Variants in VARS1 observed in about 807,000 individuals in gnomAD.
VARS1 encodes the protein valyl-tRNA synthetase 1.
Under a neutral mutation model 161.0 loss-of-function variants are expected in VARS1, and 92 were observed. That is an observed-to-expected ratio of 0.57 (90% CI 0.48 to 0.68). The LOEUF (loss-of-function observed/expected upper bound fraction) is 0.68, where lower values mean the gene tolerates loss of function less well. Ranked by LOEUF, VARS1 falls within the 30% of genes least tolerant of loss-of-function variation. The pLI is 0.00. For synonymous variants in VARS1, 595 were observed against 682.5 expected (o/e 0.87, Z 2.00); for missense variants, 1,338 against 1,695.9 (o/e 0.79, Z 3.71).
Position 31,779,513 on chromosome 6 carries a change from T to G in VARS1, c.3312A>C (p.Ala1104=), listed in dbSNP as rs1812986857. ...PSECSWKDPE[A]EAALELALSI... is the part of the protein sequence containing the mutation. ...TTAGCGCCAGCTCAAGGGCGGCTTC[T>G]GCCTCGGGGTCCTTCCAGGAGCACT... Residue 1104 remains alanine, a synonymous_variant, in exon 28 of 30, where the codon GCA becomes GCC. Transcript: ENST00000375663. The surrounding 1 kb of genome is among the most constrained non-coding windows in gnomAD (Gnocchi z 9.1). The G allele has an allele frequency of 4.3e-6, 7 of 1,612,112 alleles. No individual in the cohort carries two copies. In the East Asian group the frequency reaches 1.6e-4, roughly 36 times the overall value.
Position 31,781,398 on chromosome 6 carries a change from C to T in VARS1, c.2544+83G>A. On this transcript the variant is annotated intron_variant, in intron 21 of 29. Coordinates refer to ENST00000375663, the MANE Select transcript of VARS1 (RefSeq NM_006295.3). The surrounding 1 kb of genome is among the most constrained non-coding windows in gnomAD (Gnocchi z 6.8). Reference sequence around the variant, plus strand: ...CCTGCCCACAGCTAACCCCATGCCCCAGCCACGCGGGGTCTGCGCTGCAGC... The same window carrying T: ...CCTGCCCACAGCTAACCCCATGCCCTAGCCACGCGGGGTCTGCGCTGCAGC... 1.3e-6 allele frequency: 2 copies of T among 1,545,660 alleles called. No homozygotes were observed. The highest frequency in any genetic ancestry group is 1.7e-6 in the Non-Finnish European group (2 of 1,148,004).
intron 6 of VARS1, 71 bp downstream of exon 6, chr6:31,792,146 A>G (rs868751579): frequency 2.5e-6 from 4 of 1,576,446 alleles, no homozygotes; most frequent in Middle Eastern, 2.3e-4. Flanking sequence ...GGTGAGAGCA[A>G]GAATAGAGCA....
chr6:31,784,415 C>T lies in VARS1; in HGVS notation c.1555G>A (p.Ala519Thr), dbSNP rs778453377. The change falls in exon 12 of 30, where the codon GCC becomes ACC. Residue 519 changes from alanine (A) to threonine (T), a missense_variant. Coordinates refer to ENST00000375663, the MANE Select transcript of VARS1 (RefSeq NM_006295.3). The surrounding 1 kb of genome is among the most constrained non-coding windows in gnomAD (Gnocchi z 6.1). ...KVEFGVLVSFAYKVQGSDSDE... is the reference protein window; with the variant it reads ...KVEFGVLVSFTYKVQGSDSDE... ...CTACCTGAGCCTTGGACCTTATAGG[C>T]AAAGGACACGAGGACCCCGAACTCC... The T allele has an allele frequency of 3.1e-6, 5 of 1,614,006 alleles. No individual in the cohort carries two copies. The African/African-American group carries it at 5.3e-5, about 17-fold the overall frequency.
At position 31,782,845 on chromosome 6, in the gene VARS1, C is replaced by T. The variant is rs1422103843; in HGVS notation, c.1763G>A (p.Gly588Asp). 1 of 1,610,082 alleles carries T rather than the reference C, an allele frequency of 6.2e-7. No individual in the cohort carries two copies. The highest frequency in any genetic ancestry group is 1.1e-5 in the South Asian group (1 of 90,588). Residue 588 changes from glycine to aspartate, a missense_variant and splice_region_variant, in exon 15 of 30, where the codon GGT (glycine) becomes GAT (aspartate). Coordinates refer to ENST00000375663, the MANE Select transcript of VARS1 (RefSeq NM_006295.3). The surrounding 1 kb of genome is among the most constrained non-coding windows in gnomAD (Gnocchi z 8.3). ...DEFVDMDFGT[G>D]AVKITPAHDQ... is the part of the protein sequence containing the mutation. ...ATGTGCGGGGGTGATCTTCACAGCA[C>T]CTGGGTGTACATCAGGATGCCCAGG...
chr6:31,778,812 G>A lies in VARS1; in HGVS notation c.3726+155C>T, dbSNP rs1812910847. ...GTGAGCCACTGAGCCAGGCTGTTTT[G>A]TTTTTTAAGGCTAGTGGGAGTGGAG... On this transcript the variant is annotated intron_variant, in intron 29 of 29. Transcript: ENST00000375663. This position sits in a 1 kb window ranked among gnomAD's most constrained non-coding sequence, Gnocchi z 5.1. 1 of 1,070,860 alleles carries A rather than the reference G, an allele frequency of 9.3e-7. No individual in the cohort carries two copies. The highest frequency in any genetic ancestry group is 1.3e-6 in the Non-Finnish European group (1 of 755,706). The allele number at this position is 1,070,860 out of a possible 1,614,324, so 66.3% of individuals were successfully genotyped here.
At position 31,791,702 on chromosome 6, in the gene VARS1, G is replaced by A; in HGVS notation, c.1008C>T (p.Val336=). Residue 336 remains valine (V), a synonymous_variant, in exon 8 of 30, where the codon GTC becomes GTT. Coordinates refer to ENST00000375663, the MANE Select transcript of VARS1 (RefSeq NM_006295.3). The surrounding 1 kb of genome is among the most constrained non-coding windows in gnomAD (Gnocchi z 5.0). ...TGGGGGGTGGGATGCACATCATGAA[G>A]ACACCTCGGGGATTTGCTGCTGACA... The part of the protein sequence containing the change: ...PNVSAANPRG[V]FMMCIPPPNV... 6.2e-7 allele frequency: 1 copy of A among 1,613,060 alleles called. No individual in the cohort carries two copies. Among genetic ancestry groups the A allele is most frequent in the South Asian group, 1.1e-5 (1 of 91,092 alleles).
chr6:31,785,441 G>A lies in VARS1; in HGVS notation c.1266-114C>T. ...CCCCCTGAAATTTACCTGGGCCCTA[G>A]AGCCAACTGACTCTGCCTCTGTGGG... On this transcript the variant is annotated intron_variant, in intron 9 of 29. Transcript: ENST00000375663. The surrounding 1 kb of genome is among the most constrained non-coding windows in gnomAD (Gnocchi z 6.1). 1 of 1,536,316 alleles carries A rather than the reference G, an allele frequency of 6.5e-7. No individual in the cohort carries two copies. The highest frequency in any genetic ancestry group is 8.8e-7 in the Non-Finnish European group (1 of 1,133,420).
In VARS1 at chr6:31,778,785, G is replaced by A; in HGVS notation, c.3726+182C>T. 3.6e-6 allele frequency: 3 copies of A among 823,192 alleles called. No homozygotes were observed. Among genetic ancestry groups the A allele is most frequent in the Non-Finnish European group, 5.6e-6 (3 of 538,680 alleles). The allele number at this position is 823,192 out of a possible 1,614,324, so 51.0% of individuals were successfully genotyped here. A position where few individuals can be genotyped will look rare whatever the true frequency, so the allele number is the denominator to read the frequency against. ...GCCTCCCAAATTTCTGGGATTACAG[G>A]TGTGAGCCACTGAGCCAGGCTGTTT... On this transcript the variant is annotated intron_variant, in intron 29 of 29. Coordinates refer to ENST00000375663, the MANE Select transcript of VARS1 (RefSeq NM_006295.3). This position sits in a 1 kb window ranked among gnomAD's most constrained non-coding sequence, Gnocchi z 5.1.
In VARS1 at chr6:31,784,654, G is replaced by C. The variant is rs1194412721; in HGVS notation, c.1408C>G (p.Arg470Gly). The C allele has an allele frequency of 1.9e-6, 3 of 1,613,088 alleles. No individual in the cohort carries two copies. The highest frequency in any genetic ancestry group is 1.1e-5 in the South Asian group (1 of 91,092). Residue 470 changes from arginine (R) to glycine (G), a missense_variant, in exon 11 of 30, where the codon CGC (arginine) becomes GGC (glycine). This residue lies in a region of VARS1 where 902 missense variants were observed against 1,090.3 expected (regional missense o/e 0.83). Transcript: ENST00000375663. The surrounding 1 kb of genome is among the most constrained non-coding windows in gnomAD (Gnocchi z 6.1). ...GACCAGTTAACAAGGCGGGTACTGC[G>C]ATAGATGATGCCTTCCTCGTGAAGC... ...VRLHEEGIIY[R>G]STRLVNWSCT...
In VARS1 at chr6:31,782,343, G is replaced by A; in HGVS notation, c.2092C>T (p.Leu698Phe). 6.2e-7 allele frequency: 1 copy of A among 1,612,914 alleles called. No individual in the cohort carries two copies. Among genetic ancestry groups the A allele is most frequent in the Non-Finnish European group, 8.5e-7 (1 of 1,179,980 alleles). ...AASAAVTRGD[L>F]RILPEAHQRT... is the part of the protein sequence containing the mutation. ...TGATGGGCCTCAGGCAGGATGCGGA[G>A]GTCACCCCGAGTCACAGCGGCGCTG... The change falls in exon 17 of 30, where the codon CTC becomes TTC. Residue 698 changes from leucine to phenylalanine, a missense_variant. Physicochemically the swap from Leu to Phe is conservative, Grantham distance 22. Around this residue, in one of 3 missense-constraint regions of VARS1, gnomAD observed 902 missense variants for 1,090.3 expected, o/e 0.83. Transcript: ENST00000375663. This position sits in a 1 kb window ranked among gnomAD's most constrained non-coding sequence, Gnocchi z 8.3.
Position 31,791,761 on chromosome 6 carries a change from A to G in VARS1, c.973-24T>C. ...CGCTGATGGTGGAGAAGGATGGCAC[A>G]TGTTTAAGGCCTCAGGTCACCTCTC... On this transcript the variant is annotated intron_variant, in intron 7 of 29. Transcript: ENST00000375663. The surrounding 1 kb of genome is among the most constrained non-coding windows in gnomAD (Gnocchi z 5.0). 2.5e-6 allele frequency: 4 copies of G among 1,613,040 alleles called. No individual in the cohort carries two copies. In the South Asian group the frequency reaches 3.3e-5, roughly 13 times the overall value.
Position 31,791,955 on chromosome 6 carries a change from C to T in VARS1, c.888G>A (p.Met296Ile). 1 of 1,595,224 alleles carries T rather than the reference C, an allele frequency of 6.3e-7. No homozygotes were observed. Among genetic ancestry groups the T allele is most frequent in the Non-Finnish European group, 8.5e-7 (1 of 1,169,590 alleles). Residue 296 changes from methionine (M) to isoleucine (I), a missense_variant, in exon 7 of 30, where the codon ATG becomes ATA. Physicochemically the swap from Met to Ile is conservative, Grantham distance 10 (BLOSUM62 1). Transcript: ENST00000375663. This position sits in a 1 kb window ranked among gnomAD's most constrained non-coding sequence, Gnocchi z 5.0. ...PGEKKDVSGP[M>I]PDSYSPRYVE... ...CATACCGAGGGCTGTAGGAGTCGGG[C>T]ATGGGGCCACTGACATCTGGGGGAG...
chr6:31,787,062 C>CAAA (rs70990276), intron 8 of VARS1, among the ~76,000 whole-genome samples: 4 of 70,850 alleles, frequency 5.6e-5, no homozygotes, highest in East Asian at 7.7e-4. Context: ...CTAGTCTCTG[C>CAAA]AAAAAAAAAA....
chr6:31,788,512 A>AC (rs1813659641), intron 8 of VARS1, among the ~76,000 whole-genome samples: 5 of 90,184 alleles, frequency 5.5e-5, no homozygotes, highest in Non-Finnish European at 1.3e-4. Flanking sequence ...CAAAAAAAAC[A>AC]AAAAAAAAAA....
At chr6:31,786,383 A>G (rs1235424439) in intron 8 of VARS1, among the ~76,000 whole-genome samples, 2 of 151,938 alleles carry the variant, frequency 1.3e-5, no homozygotes, top group Non-Finnish European at 2.9e-5. Context: ...AAGAACAAAG[A>G]CAGGCATGCG....
Position 31,782,681 on chromosome 6 carries a change from A to G in VARS1, c.1887+40T>C. 1 of 1,612,928 alleles carries G rather than the reference A, an allele frequency of 6.2e-7. No individual in the cohort carries two copies. The highest frequency in any genetic ancestry group is 8.5e-7 in the Non-Finnish European group (1 of 1,179,976). ...CATGGCGATGCCCAGCCATCCCTCC[A>G]TCTCCCTGACCCGGGCACTCTTGCC... On this transcript the variant is annotated intron_variant, in intron 15 of 29. Transcript: ENST00000375663. The surrounding 1 kb of genome is among the most constrained non-coding windows in gnomAD (Gnocchi z 8.3).
intron 8 of VARS1, among the ~76,000 whole-genome samples, chr6:31,789,366 C>A (rs1048477069): frequency 2.6e-5 from 4 of 151,994 alleles, no homozygotes; most frequent in Admixed American, 6.6e-5. Flanking sequence ...TGAAAATAGG[C>A]ACAACTTCAA....
At chr6:31,783,002 C>A in intron 14 of VARS1, 94 bp downstream of exon 14, 1 of 1,547,512 alleles carries the variant, frequency 6.5e-7, no homozygotes, top group Non-Finnish European at 8.8e-7. Flanking sequence ...GTCTATTTGG[C>A]TGAAGCTTAT....
intron 13 of VARS1, among the ~76,000 whole-genome samples, chr6:31,783,472 TG>T (rs1813294814): frequency 6.6e-6 from 1 of 151,856 alleles, no homozygotes; most frequent in Non-Finnish European, 1.5e-5. Context: ...ATGGTGCCAC[TG>T]CACTCTAGCC....
Sources: allele counts gnomAD v4.1 joint callset (sites outside exome capture counted in the v4.1 genomes callset), GRCh38; gene constraint gnomAD v4.1.1; regional missense constraint gnomAD v4.1.1; non-coding constraint Gnocchi (gnomAD v3.1); transcripts MANE v1.5; gene names NCBI Gene and HGNC (gene_info 2026-07-23, HGNC 2026-07-21).